CSTPP1: variants seen among roughly 807,000 people sequenced by gnomAD.
CSTPP1 encodes the protein UPF0705 protein C11orf49.
At chr11:46,997,203 A>G in the CSTPP1 span, among the ~76,000 whole-genome samples, 1 of 152,200 alleles carries the variant, frequency 6.6e-6, no homozygotes, top group Admixed American at 6.5e-5. Context: ...AATCAGATGT[A>G]GATTTGGTCT....
chr11:46,986,700 T>C, the CSTPP1 span, among the ~76,000 whole-genome samples: 1 of 152,090 alleles, frequency 6.6e-6, no homozygotes, highest in African/African-American at 2.4e-5. Flanking sequence ...ACTCCTGACC[T>C]CAAGTGATCC....
At chr11:47,162,744 A>T in the CSTPP1 span, among the ~76,000 whole-genome samples, 1 of 152,288 alleles carries the variant, frequency 6.6e-6, no homozygotes, top group East Asian at 1.9e-4. Context: ...CCCAAGCAGA[A>T]CAGGACTGCC....
At chr11:47,009,204 G>T in the CSTPP1 span, among the ~76,000 whole-genome samples, 1 of 151,994 alleles carries the variant, frequency 6.6e-6, no homozygotes, top group African/African-American at 2.4e-5. Context: ...TTGCCTTGGT[G>T]GCTCTCTGAT....
chr11:47,093,797 C>A, the CSTPP1 span, among the ~76,000 whole-genome samples: 1 of 152,190 alleles, frequency 6.6e-6, no homozygotes, highest in African/African-American at 2.4e-5. Flanking sequence ...AGAATTGTCT[C>A]ACATGGTGCC....
At chr11:47,076,106 T>C in the CSTPP1 span, among the ~76,000 whole-genome samples, 3 of 151,880 alleles carry the variant, frequency 2.0e-5, no homozygotes, top group Admixed American at 1.3e-4. Context: ...CATAGAAGAC[T>C]GGAGATATTA....
the CSTPP1 span, among the ~76,000 whole-genome samples, chr11:47,145,218 C>T: frequency 1.3e-5 from 2 of 151,960 alleles, no homozygotes; most frequent in African/African-American, 2.4e-5. Flanking sequence ...AATCTCTTGA[C>T]CTTATGATCT....
the CSTPP1 span, chr11:47,041,291 C>G: frequency 3.8e-6 from 1 of 264,264 alleles, no homozygotes; most frequent in Non-Finnish European, 8.0e-6. Context: ...GGATCAGTCA[C>G]TCTGTCTCAT....
the CSTPP1 span, among the ~76,000 whole-genome samples, chr11:47,080,631 G>A: frequency 2.0e-5 from 3 of 152,012 alleles, no homozygotes; most frequent in Non-Finnish European, 4.4e-5. Context: ...GAAAGCCCAA[G>A]GTAATCAAAT....
the CSTPP1 span, chr11:47,137,740 T>C: frequency 3.1e-6 from 5 of 1,613,664 alleles, no homozygotes; most frequent in Non-Finnish European, 4.2e-6. Context: ...GTACGTCTCC[T>C]GGACTCTTGA....
At chr11:46,995,628 T>G in the CSTPP1 span, among the ~76,000 whole-genome samples, 2 of 152,374 alleles carry the variant, frequency 1.3e-5, no homozygotes, top group East Asian at 3.8e-4. Flanking sequence ...TTGATTGCAC[T>G]GTGGTCTGAG....
chr11:47,105,225 T>C, the CSTPP1 span, among the ~76,000 whole-genome samples: 1 of 152,184 alleles, frequency 6.6e-6, no homozygotes, highest in African/African-American at 2.4e-5. Context: ...CCAGGCATGG[T>C]GGCTCATGCC....
the CSTPP1 span, among the ~76,000 whole-genome samples, chr11:47,152,108 G>A: frequency 6.6e-6 from 1 of 151,920 alleles, no homozygotes; most frequent in Non-Finnish European, 1.5e-5. Context: ...AAATTAGCCG[G>A]GCATGGTGAC....
At chr11:47,121,613 G>A in the CSTPP1 span, among the ~76,000 whole-genome samples, 1 of 152,034 alleles carries the variant, frequency 6.6e-6, no homozygotes, top group African/African-American at 2.4e-5. Flanking sequence ...CTTTTTTACA[G>A]ACAAAGAAAT....
the CSTPP1 span, among the ~76,000 whole-genome samples, chr11:47,007,473 T>C: frequency 2.0e-5 from 3 of 152,228 alleles, no homozygotes; most frequent in Admixed American, 6.5e-5. Context: ...TTTTTTTAGT[T>C]CAAGTATTTT....
chr11:47,125,730 A>G, the CSTPP1 span, among the ~76,000 whole-genome samples: 2 of 152,192 alleles, frequency 1.3e-5, no homozygotes, highest in Non-Finnish European at 2.9e-5. Context: ...AGAAAAAGGT[A>G]GTGGGGCCAG....
At chr11:47,061,093 C>T in the CSTPP1 span, among the ~76,000 whole-genome samples, 2 of 151,812 alleles carry the variant, frequency 1.3e-5, no homozygotes, top group Non-Finnish European at 2.9e-5. Flanking sequence ...TTTTCCTTTC[C>T]TTTTTTTTCT....
At chr11:47,017,666 ACTT>A in the CSTPP1 span, among the ~76,000 whole-genome samples, 1 of 126,350 alleles carries the variant, frequency 7.9e-6, no homozygotes, top group Non-Finnish European at 1.6e-5. Flanking sequence ...CAATATATAA[ACTT>A]TTTTTTTTTT....
chr11:47,145,128 C>T, the CSTPP1 span, among the ~76,000 whole-genome samples: 1 of 151,884 alleles, frequency 6.6e-6, no homozygotes, highest in Non-Finnish European at 1.5e-5. Flanking sequence ...GCTAGGACTA[C>T]AGGCACGCAC....
chr11:47,100,607 G>A, the CSTPP1 span, among the ~76,000 whole-genome samples: 3 of 152,100 alleles, frequency 2.0e-5, no homozygotes, highest in South Asian at 2.1e-4. Context: ...CCTGACCAAC[G>A]TGGCAAAACC....
Sources: gnomAD v4.1 joint callset for allele counts (sites outside exome capture counted in the v4.1 genomes callset) on GRCh38, gnomAD v4.1.1 for gene constraint, MANE v1.5 for transcripts, NCBI Gene and HGNC (gene_info 2026-07-23, HGNC 2026-07-21) for gene names.